FARS2: variants seen among roughly 807,000 people sequenced by gnomAD.
FARS2 encodes phenylalanyl-tRNA synthetase 2, mitochondrial.
Under a neutral mutation model 46.4 loss-of-function variants are expected in FARS2, and 40 were observed. The observed-to-expected ratio is 0.86, with a 90% confidence interval of 0.67 to 1.12. FARS2 has a LOEUF of 1.12. Ranked by LOEUF, FARS2 falls within the 50% of genes most tolerant of loss-of-function variation. The pLI is 0.00. For synonymous variants in FARS2, 234 were observed against 214.9 expected, an observed-to-expected ratio of 1.09 and a Z score of -0.78; for missense variants, 513 against 567.9, an observed-to-expected ratio of 0.90 and a Z score of 0.98.
intron 4 of FARS2, among the ~76,000 whole-genome samples, chr6:5,458,322 C>T (rs2150292027): frequency 6.6e-6 from 1 of 152,316 alleles, no homozygotes; most frequent in East Asian, 1.9e-4. Context: ...GAGGCCCTTC[C>T]AGGGCTAGGG....
intron 5 of FARS2, among the ~76,000 whole-genome samples, chr6:5,556,211 C>T (rs981300028): frequency 6.6e-6 from 1 of 152,078 alleles, no homozygotes; most frequent in African/African-American, 2.4e-5. Context: ...CTAACATGTT[C>T]CTTTTGCATA....
intron 6 of FARS2, among the ~76,000 whole-genome samples, chr6:5,744,699 C>T (rs893264600): frequency 2.0e-5 from 3 of 152,312 alleles, no homozygotes; most frequent in Non-Finnish European, 4.4e-5. Context: ...GGCCAGAACA[C>T]AGGGCAAGTG....
At chr6:5,322,768 A>G (rs1036168800) in intron 1 of FARS2, among the ~76,000 whole-genome samples, 1 of 152,112 alleles carries the variant, frequency 6.6e-6, no homozygotes, top group Non-Finnish European at 1.5e-5. Flanking sequence ...TTTCCTCTGT[A>G]TGGTGTTTAT....
chr6:5,540,601 T>C (rs963499466), intron 4 of FARS2, among the ~76,000 whole-genome samples: 2 of 152,252 alleles, frequency 1.3e-5, no homozygotes, highest in African/African-American at 4.8e-5. Flanking sequence ...GCACATGTTC[T>C]TCTCATTAGC....
At chr6:5,500,129 G>A (rs1767702741) in intron 4 of FARS2, among the ~76,000 whole-genome samples, 1 of 152,170 alleles carries the variant, frequency 6.6e-6, no homozygotes, top group Non-Finnish European at 1.5e-5. Context: ...CATCGTTTAA[G>A]AAGTCTATTG....
intron 6 of FARS2, among the ~76,000 whole-genome samples, chr6:5,646,183 G>A (rs1453785274): frequency 6.6e-6 from 1 of 152,168 alleles, no homozygotes; most frequent in African/African-American, 2.4e-5. Flanking sequence ...TTTGCTTGAG[G>A]TCACCGTGTG....
chr6:5,262,547 G>A (rs1473246636), intron 1 of FARS2, among the ~76,000 whole-genome samples: 1 of 152,132 alleles, frequency 6.6e-6, no homozygotes, highest in African/African-American at 2.4e-5. Flanking sequence ...CCAAAATGCT[G>A]GGATTACAGG....
intron 6 of FARS2, among the ~76,000 whole-genome samples, chr6:5,661,740 GGGA>G (rs1439894590): frequency 2.0e-5 from 3 of 152,162 alleles, no homozygotes; most frequent in African/African-American, 7.2e-5. Flanking sequence ...AAAATGAAGT[GGGA>G]GGAGAAGAAA....
At chr6:5,435,380 GAA>G (rs1368247445) in intron 4 of FARS2, among the ~76,000 whole-genome samples, 1 of 152,244 alleles carries the variant, frequency 6.6e-6, no homozygotes, top group African/African-American at 2.4e-5. Flanking sequence ...TTGCTAATTT[GAA>G]AAGTCAGTGA....
chr6:5,466,556 T>C (rs538764899), intron 4 of FARS2: 1 of 985,448 alleles, frequency 1.0e-6, no homozygotes, highest in East Asian at 1.1e-4. Flanking sequence ...TGTTATTCCC[T>C]AGGCTTGTTT....
At chr6:5,374,862 C>T (rs1759279206) in intron 2 of FARS2, among the ~76,000 whole-genome samples, 1 of 151,948 alleles carries the variant, frequency 6.6e-6, no homozygotes, top group African/African-American at 2.4e-5. Flanking sequence ...TGTCTCATGA[C>T]ATTAAAAAAG....
chr6:5,612,935 A>C (rs1220226789), intron 5 of FARS2, among the ~76,000 whole-genome samples: 1 of 152,164 alleles, frequency 6.6e-6, no homozygotes, highest in Non-Finnish European at 1.5e-5. Context: ...ATATAAATAT[A>C]ATATATGGTA....
chr6:5,294,139 T>A (rs9328294), intron 1 of FARS2, among the ~76,000 whole-genome samples: 118,920 of 152,116 alleles, frequency 0.78, 47,205 homozygotes, highest in African/African-American at 0.92. Flanking sequence ...AGGTGCCCTA[T>A]TTGTGAAATA....
At chr6:5,387,501 A>C (rs1214014928) in intron 2 of FARS2, among the ~76,000 whole-genome samples, 1 of 152,270 alleles carries the variant, frequency 6.6e-6, no homozygotes, top group Non-Finnish European at 1.5e-5. Context: ...AGTTGAAAGT[A>C]GCGTGGGAGG....
intron 1 of FARS2, among the ~76,000 whole-genome samples, chr6:5,322,720 G>A (rs530867654): frequency 1.8e-4 from 28 of 152,292 alleles, no homozygotes; most frequent in East Asian, 3.9e-4. Flanking sequence ...ACCTTTGGGC[G>A]CTAATTCCCT....
intron 6 of FARS2, among the ~76,000 whole-genome samples, chr6:5,716,961 C>G (rs1759533558): frequency 1.3e-5 from 2 of 152,184 alleles, no homozygotes; most frequent in South Asian, 4.1e-4. Context: ...GAAGCATGGA[C>G]AACCAGGTAG....
At chr6:5,650,259 CTTTTT>C (rs55926813) in intron 6 of FARS2, among the ~76,000 whole-genome samples, 83 of 115,750 alleles carry the variant, frequency 7.2e-4, no homozygotes, top group East Asian at 9.9e-4. Context: ...GGCCACATTT[CTTTTT>C]TTTTTTTTTT....
chr6:5,484,334 A>G (rs73356309), intron 4 of FARS2, among the ~76,000 whole-genome samples: 2 of 152,090 alleles, frequency 1.3e-5, no homozygotes, highest in Non-Finnish European at 2.9e-5. Context: ...CTTCCTCATC[A>G]TGTATTTGCG....
At chr6:5,496,870 G>A (rs9378956) in intron 4 of FARS2, among the ~76,000 whole-genome samples, 16,130 of 151,982 alleles carry the variant, frequency 0.11, 954 homozygotes, top group East Asian at 0.22. Context: ...TTTTTTAGAG[G>A]TAGAGGTCTC....
Sources: gnomAD v4.1 joint callset for allele counts (sites outside exome capture counted in the v4.1 genomes callset) on GRCh38, gnomAD v4.1.1 for gene constraint, MANE v1.5 for transcripts, NCBI Gene and HGNC (gene_info 2026-07-23, HGNC 2026-07-21) for gene names.